The following WSB1 variants were observed in gnomAD, a reference collection of about 807,000 sequenced individuals.
The protein encoded by WSB1 is WD repeat and SOCS box containing 1, also known as WD repeat and SOCS box-containing protein 1.
A neutral mutation model predicts 50.2 loss-of-function variants in WSB1; 23 were observed. The observed-to-expected ratio is 0.46, with a 90% CI of 0.33 to 0.65. The LOEUF is 0.65. Ranked by LOEUF, WSB1 falls within the 30% of genes least tolerant of loss-of-function variation. The pLI is 0.02. For synonymous variants in WSB1, 179 were observed against 172.0 expected (o/e 1.04, Z -0.32); for missense variants, 492 against 522.3 (o/e 0.94, Z 0.56).
intron 5 of WSB1, chr17:27,307,520 G>T (rs2017509811): frequency 1.8e-6 from 1 of 554,824 alleles, no homozygotes; most frequent in Admixed American, 3.6e-5. Flanking sequence ...CCAAATACAT[G>T]TGATAATTAC....
At chr17:27,295,595 GAAA>G (rs11368438) in intron 1 of WSB1, among the ~76,000 whole-genome samples, 4 of 149,914 alleles carry the variant, frequency 2.7e-5, no homozygotes, top group African/African-American at 9.8e-5. Flanking sequence ...ACAGAAAAAA[GAAA>G]AAAAAAGATG....
intron 1 of WSB1, among the ~76,000 whole-genome samples, chr17:27,300,464 C>T (rs2017179591): frequency 6.6e-6 from 1 of 152,062 alleles, no homozygotes; most frequent in African/African-American, 2.4e-5. Context: ...GCTTGTTGAT[C>T]ATGCTTTTTG....
chr17:27,312,154 G>A, intron 8 of WSB1, 56 bp from the exon 9 acceptor site: 2 of 1,554,618 alleles, frequency 1.3e-6, no homozygotes, highest in Middle Eastern at 1.7e-4. Flanking sequence ...TTGAGCTGTA[G>A]CAACACTGAA....
At chr17:27,308,011 G>A (rs1354445558) in intron 5 of WSB1, 2 of 1,217,222 alleles carry the variant, frequency 1.6e-6, no homozygotes, top group African/African-American at 1.6e-5. Flanking sequence ...TGACTCCTGA[G>A]TAAATTGATT....
Position 27,301,022 on chromosome 17 carries a change from C to G in WSB1, c.41-766C>G, listed in dbSNP as rs545205873. ...TTCATCCTGGGATTACAGGCGCCCA[C>G]CACCACGCCCAGCTAATTTTTGTAT... On this transcript the variant is annotated intron_variant, in intron 1 of 8. Coordinates refer to ENST00000262394, the MANE Select transcript of WSB1 (RefSeq NM_015626.10). Among the ~76,000 whole-genome samples the G allele has an allele frequency of 7.9e-5, 12 of 152,178 alleles. No individual in the cohort carries two copies. The South Asian group carries it at 2.3e-3, about 29-fold the overall frequency.
intron 5 of WSB1, chr17:27,307,813 T>C: frequency 2.0e-6 from 3 of 1,521,276 alleles, no homozygotes; most frequent in Non-Finnish European, 2.6e-6. Context: ...ACAATGGTGT[T>C]AGCTGGGCAG....
At chr17:27,298,804 C>T (rs1344766099) in intron 1 of WSB1, among the ~76,000 whole-genome samples, 12 of 151,972 alleles carry the variant, frequency 7.9e-5, no homozygotes, top group Non-Finnish European at 5.9e-5. Flanking sequence ...GCGGAGGTTA[C>T]AGTGAGCCAA....
At chr17:27,299,445 A>G (rs2017131745) in intron 1 of WSB1, among the ~76,000 whole-genome samples, 1 of 152,230 alleles carries the variant, frequency 6.6e-6, no homozygotes, top group Non-Finnish European at 1.5e-5. Flanking sequence ...TGGGAGTTCA[A>G]GGCTACAGTG....
At chr17:27,306,270 C>T (rs1178247281) in intron 4 of WSB1, among the ~76,000 whole-genome samples, 2 of 131,180 alleles carry the variant, frequency 1.5e-5, no homozygotes, top group Admixed American at 9.5e-5. Context: ...TGGAGTGCAG[C>T]GGCGTGATCT....
At chr17:27,310,469 G>C (rs2150843098) in intron 7 of WSB1, among the ~76,000 whole-genome samples, 1 of 152,300 alleles carries the variant, frequency 6.6e-6, no homozygotes, top group Admixed American at 6.5e-5. Flanking sequence ...AAAGGTTGAA[G>C]CAGAAGGAAA....
At position 27,303,271 on chromosome 17, in the gene WSB1, T is replaced by A; in HGVS notation, c.210-96T>A. On this transcript the variant is annotated intron_variant, in intron 2 of 8. Coordinates refer to ENST00000262394, the MANE Select transcript of WSB1 (RefSeq NM_015626.10). ...GTTATTTGGTGTCATTATAATAATATTGAGGTTATTTTAACAAACACTTGT... is the reference window on the plus strand; with the variant it reads ...GTTATTTGGTGTCATTATAATAATAATGAGGTTATTTTAACAAACACTTGT... The A allele has an allele frequency of 4.5e-6, 6 of 1,319,980 alleles. No homozygotes were observed. In the South Asian group the frequency reaches 8.5e-5, roughly 19 times the overall value. The allele number at this position is 1,319,980 out of a possible 1,614,324, so 81.8% of individuals were successfully genotyped here.
rs986597206 is a variant in WSB1, at chr17:27,315,576, G to C, written c.*3207G>C. 8.5e-5 allele frequency: 13 copies of C among 152,300 alleles called. No homozygotes were observed. Among genetic ancestry groups the C allele is most frequent in the African/African-American group, 3.1e-4 (13 of 41,570 alleles). 9.4% of individuals were successfully genotyped at this position (152,300 alleles called of 1,614,324 possible). A position where few individuals can be genotyped will look rare whatever the true frequency, so the allele number is the denominator to read the frequency against. ...AGTGGCAGAGGCAGAGGACTTGGCC[G>C]TCAGCCAGCCAGCACAGGCGTAAGA... On this transcript the variant is annotated 3_prime_UTR_variant, in exon 9 of 9. Transcript: ENST00000262394.
In WSB1 at chr17:27,315,393, A is replaced by C. The variant is rs2017810442; in HGVS notation, c.*3024A>C. On this transcript the variant is annotated 3_prime_UTR_variant, in exon 9 of 9. Transcript: ENST00000262394. The stretch of plus-strand genomic sequence containing the variant: ...TAATGAAATCACTTTAAAACCTATA[A>C]CTTGATCTTAGGTTGGCAAATCTTA... The C allele has an allele frequency of 6.6e-6, 1 of 152,160 alleles. No homozygotes were observed. Among genetic ancestry groups the C allele is most frequent in the Non-Finnish European group, 1.5e-5 (1 of 68,026 alleles). The allele number at this position is 152,160 out of a possible 1,614,324, so 9.4% of individuals were successfully genotyped here.
At chr17:27,300,890 AT>A (rs34849775) in intron 1 of WSB1, among the ~76,000 whole-genome samples, 3 of 148,108 alleles carry the variant, frequency 2.0e-5, no homozygotes, top group Non-Finnish European at 4.5e-5. Context: ...ATTTTAGCTT[AT>A]TTTTTTTTTG....
intron 1 of WSB1, among the ~76,000 whole-genome samples, chr17:27,294,927 G>T (rs2016890133): frequency 6.6e-6 from 1 of 152,208 alleles, no homozygotes; most frequent in African/African-American, 2.4e-5. Flanking sequence ...TTTTAAAATG[G>T]TGTGGCCTTA....
intron 1 of WSB1, among the ~76,000 whole-genome samples, chr17:27,297,969 C>T (rs553861013): frequency 2.0e-5 from 3 of 151,426 alleles, no homozygotes; most frequent in Non-Finnish European, 4.4e-5. Context: ...GTTAGCTGGG[C>T]GTGGTGGTGG....
chr17:27,311,262 C>T (rs1396909570), intron 7 of WSB1, among the ~76,000 whole-genome samples: 1 of 152,168 alleles, frequency 6.6e-6, no homozygotes, highest in Non-Finnish European at 1.5e-5. Context: ...TAGGTTTGAA[C>T]ACTGGGAAGG....
intron 4 of WSB1, among the ~76,000 whole-genome samples, chr17:27,306,199 TG>T: frequency 7.0e-6 from 1 of 142,172 alleles, no homozygotes; most frequent in Non-Finnish European, 1.5e-5. Flanking sequence ...AAAAGAATTC[TG>T]TCTTTTTTTT....
intron 4 of WSB1, among the ~76,000 whole-genome samples, chr17:27,306,506 C>T (rs1045947353): frequency 4.6e-5 from 7 of 152,092 alleles, no homozygotes; most frequent in Non-Finnish European, 8.8e-5. Flanking sequence ...AGAGCCACCG[C>T]GCCAGGCCCC....
Sources: allele counts gnomAD v4.1 joint callset (sites outside exome capture counted in the v4.1 genomes callset), GRCh38; gene constraint gnomAD v4.1.1; transcripts MANE v1.5; gene names NCBI Gene and HGNC (gene_info 2026-07-23, HGNC 2026-07-21).